Variants in BBS7 observed in about 807,000 individuals in gnomAD.
BBS7 encodes the protein BBSome complex member BBS7.
Under a neutral mutation model 90.3 loss-of-function variants are expected in BBS7, and 50 were observed. That is an observed-to-expected ratio of 0.55 (90% CI 0.44 to 0.70). The LOEUF (loss-of-function observed/expected upper bound fraction) is 0.70, where lower values mean the gene tolerates loss of function less well. BBS7 is among the 30% of genes least tolerant of loss of function. The pLI, the probability that BBS7 is intolerant of heterozygous loss-of-function variation, is 0.00. For synonymous variants in BBS7, 235 were observed against 287.4 expected (o/e 0.82, Z 1.85); for missense variants, 729 against 838.9 (o/e 0.87, Z 1.62).
Position 121,828,188 on chromosome 4 carries a change from C to T in BBS7, c.1972G>A (p.Glu658Lys), listed in dbSNP as rs1044486579. 5 of 1,613,710 alleles carry T rather than the reference C, an allele frequency of 3.1e-6. No individual in the cohort carries two copies. The African/African-American group carries it at 6.7e-5, about 22-fold the overall frequency. Residue 658 changes from glutamate (E) to lysine (K), a missense_variant, in exon 18 of 19, where the codon GAA becomes AAA. Coordinates refer to ENST00000264499, the MANE Select transcript of BBS7 (RefSeq NM_176824.3). Reference protein sequence around the residue: ...CILEEADHLQEEYKKQPAHLE... With the variant: ...CILEEADHLQKEYKKQPAHLE... Reference sequence around the variant, plus strand: ...TGTGCAGGTTGCTTTTTGTATTCTTCCTGTAGGTGATCTGCCTCTTCTAGA... The same window carrying T: ...TGTGCAGGTTGCTTTTTGTATTCTTTCTGTAGGTGATCTGCCTCTTCTAGA...
intron 1 of BBS7, among the ~76,000 whole-genome samples, chr4:121,869,993 T>TG (rs1408668885): frequency 6.6e-6 from 1 of 152,144 alleles, no homozygotes; most frequent in East Asian, 1.9e-4. Flanking sequence ...AGAAGGGCCC[T>TG]GGGGGGAATC....
At chr4:121,861,309 T>C (rs1208933100) in intron 4 of BBS7, 195 bp downstream of exon 4, 1 of 533,624 alleles carries the variant, frequency 1.9e-6, no homozygotes, top group Non-Finnish European at 3.2e-6. Context: ...ATAAATACTA[T>C]AAAGTTCTTT....
chr4:121,855,755 T>G (rs1726581204), intron 5 of BBS7, among the ~76,000 whole-genome samples, 194 bp from the exon 6 acceptor site: 1 of 151,380 alleles, frequency 6.6e-6, no homozygotes, highest in African/African-American at 2.4e-5. Context: ...AAACAACATA[T>G]ATACACATAT....
chr4:121,854,630 T>C, intron 7 of BBS7, 74 bp downstream of exon 7: 1 of 1,406,194 alleles, frequency 7.1e-7, no homozygotes, highest in Non-Finnish European at 9.6e-7. Flanking sequence ...ATAGATAAAA[T>C]AGAATAAATT....
At chr4:121,850,952 G>A (rs1726286082) in intron 8 of BBS7, among the ~76,000 whole-genome samples, 1 of 152,156 alleles carries the variant, frequency 6.6e-6, no homozygotes, top group Non-Finnish European at 1.5e-5. Flanking sequence ...TACAGGTGGG[G>A]TCAAATATCC....
Position 121,861,563 on chromosome 4 carries a change from T to G in BBS7, c.282A>C (p.Thr94=). The G allele has an allele frequency of 6.2e-7, 1 of 1,613,914 alleles. No homozygotes were observed. The highest frequency in any genetic ancestry group is 8.5e-7 in the Non-Finnish European group (1 of 1,179,830). ...IAAASEIRGF[T]KRGKQFLSFE... Reference sequence around the variant, plus strand: ...AGGAGAGGAACTGTTTTCCTCTTTTTGTGAAGCCTCTAATCTCAGATGCTG... The same window carrying G: ...AGGAGAGGAACTGTTTTCCTCTTTTGGTGAAGCCTCTAATCTCAGATGCTG... The change falls in exon 4 of 19, where the codon ACA becomes ACC. Residue 94 remains threonine, a synonymous_variant. Transcript: ENST00000264499.
chr4:121,837,487 C>T (rs1014586980), intron 13 of BBS7, among the ~76,000 whole-genome samples: 1 of 151,952 alleles, frequency 6.6e-6, no homozygotes, highest in East Asian at 1.9e-4. Context: ...TAGATGGATG[C>T]CAGTTGTGCC....
chr4:121,856,200 C>T (rs1430262240), intron 5 of BBS7, among the ~76,000 whole-genome samples: 1 of 152,128 alleles, frequency 6.6e-6, no homozygotes, highest in Non-Finnish European at 1.5e-5. Flanking sequence ...AAATTTTGGC[C>T]TTGCCTTTGG....
At chr4:121,862,092 A>C (rs1448201004) in intron 3 of BBS7, among the ~76,000 whole-genome samples, 1 of 152,134 alleles carries the variant, frequency 6.6e-6, no homozygotes, top group Non-Finnish European at 1.5e-5. Flanking sequence ...AGGGAAGTCC[A>C]TTTGGCAAAT....
At chr4:121,829,882 A>G (rs1725097991) in intron 15 of BBS7, among the ~76,000 whole-genome samples, 2 of 152,234 alleles carry the variant, frequency 1.3e-5, no homozygotes, top group South Asian at 4.1e-4. Context: ...GATGACATCA[A>G]TTAAGCCACT....
chr4:121,850,785 G>A (rs887636414), intron 8 of BBS7, among the ~76,000 whole-genome samples: 5 of 152,100 alleles, frequency 3.3e-5, no homozygotes, highest in African/African-American at 9.7e-5. Flanking sequence ...GCATTAAACC[G>A]GACAATCAAC....
At chr4:121,859,517 C>A (rs764701537) in intron 4 of BBS7, among the ~76,000 whole-genome samples, 4 of 152,076 alleles carry the variant, frequency 2.6e-5, no homozygotes, top group African/African-American at 4.8e-5. Flanking sequence ...ATGTGCCAAG[C>A]ACTATCTTAA....
rs958264280 is a variant in BBS7, at chr4:121,828,522, A to G, written c.1787-17T>C. The G allele has an allele frequency of 2.5e-6, 4 of 1,585,098 alleles. No homozygotes were observed. The African/African-American group carries it at 5.4e-5, about 21-fold the overall frequency. ...CATTTATCTCTAGAAGGAGTTGACC[A>G]GATGCAGTTAGATAAATCACTTTGA... On this transcript the variant is annotated splice_polypyrimidine_tract_variant and intron_variant, in intron 16 of 18. Transcript: ENST00000264499.
chr4:121,850,406 A>C (rs1488883223), intron 8 of BBS7, among the ~76,000 whole-genome samples: 2 of 150,940 alleles, frequency 1.3e-5, no homozygotes, highest in Admixed American at 1.3e-4. Flanking sequence ...GCTCAAGCAA[A>C]CCTCCTGCCT....
Position 121,843,924 on chromosome 4 carries a change from C to T in BBS7, c.1305+3G>A, listed in dbSNP as rs771871474. 2.5e-6 allele frequency: 4 copies of T among 1,583,584 alleles called. No individual in the cohort carries two copies. Among genetic ancestry groups the T allele is most frequent in the South Asian group, 1.1e-5 (1 of 88,342 alleles). ...TGAAGAATTCTTTTATATTTTTACT[C>T]ACCTCAGAATCACAGCTGCTAAAGC... On this transcript the variant is annotated splice_donor_region_variant and intron_variant, in intron 12 of 18. Transcript: ENST00000264499.
At chr4:121,827,738 C>A in intron 18 of BBS7, 1 of 903,080 alleles carries the variant, frequency 1.1e-6, no homozygotes, top group Non-Finnish European at 1.3e-6. Context: ...ACTGTATATC[C>A]TTTATTAAAT....
In BBS7 at chr4:121,870,345, G is replaced by A; in HGVS notation, c.-32C>T. On this transcript the variant is annotated 5_prime_UTR_variant, in exon 1 of 19. Transcript: ENST00000264499. Reference sequence around the variant, plus strand: ...TACGCGGAGGGGCTAAGCAGCGCCGGACAAGAACAGGAGGGACAGAGGCTT... The same window carrying A: ...TACGCGGAGGGGCTAAGCAGCGCCGAACAAGAACAGGAGGGACAGAGGCTT... The A allele has an allele frequency of 1.2e-6, 2 of 1,613,822 alleles. No individual in the cohort carries two copies. The highest frequency in any genetic ancestry group is 2.2e-5 in the South Asian group (2 of 91,080).
intron 8 of BBS7, 22 bp from the exon 9 acceptor site, chr4:121,848,950 C>A (rs1234219329): frequency 7.6e-6 from 12 of 1,586,954 alleles, no homozygotes; most frequent in Non-Finnish European, 1.0e-5. Context: ...TAAGACCAAG[C>A]ACTTCATTAG....
intron 8 of BBS7, among the ~76,000 whole-genome samples, 193 bp from the exon 9 acceptor site, chr4:121,849,121 G>C (rs1239790486): frequency 6.6e-6 from 1 of 152,196 alleles, no homozygotes; most frequent in African/African-American, 2.4e-5. Context: ...TTTTAAATTT[G>C]GGAAAGAAGA....
Sources: gnomAD v4.1 joint callset for allele counts (sites outside exome capture counted in the v4.1 genomes callset) on GRCh38, gnomAD v4.1.1 for gene constraint, MANE v1.5 for transcripts, NCBI Gene and HGNC (gene_info 2026-07-23, HGNC 2026-07-21) for gene names.